The following GNG4 variants were observed in gnomAD, a reference collection of about 807,000 sequenced individuals.
GNG4 encodes G protein subunit gamma 4.
A neutral mutation model predicts 5.8 loss-of-function variants in GNG4; 4 were observed. The ratio of observed to expected loss-of-function variants is 0.69; its 90% CI spans 0.34 to 1.57. GNG4 has a LOEUF of 1.57. Among genes scored for constraint, GNG4 ranks in the 40% most tolerant of loss-of-function variants. GNG4 has a pLI of 0.06. For synonymous variants in GNG4, 29 were observed against 32.9 expected (o/e 0.88, Z 0.41); for missense variants, 96 against 95.1 (o/e 1.01, Z -0.04).
At chr1:235,628,993 A>ATTT (rs1054950474) in intron 1 of GNG4, among the ~76,000 whole-genome samples, 83 of 118,360 alleles carry the variant, frequency 7.0e-4, no homozygotes, top group African/African-American at 2.4e-3. Context: ...ATTTGCTTGA[A>ATTT]TTTTTTTTTT....
chr1:235,557,146 T>G (rs538689282), intron 3 of GNG4, among the ~76,000 whole-genome samples: 1 of 151,546 alleles, frequency 6.6e-6, no homozygotes, highest in South Asian at 2.1e-4. Flanking sequence ...GGGGACCCGT[T>G]TTATACTACA....
rs1436572551 is a variant in GNG4, at chr1:235,598,481, C to T, written c.-122-2970G>A. ...AAAATTATCTGGGTGTGGTGGCACACGCCTGTGATCCCAGCTATTCAGGAG... is the reference window on the plus strand; with the variant it reads ...AAAATTATCTGGGTGTGGTGGCACATGCCTGTGATCCCAGCTATTCAGGAG... On this transcript the variant is annotated intron_variant, in intron 1 of 3. Coordinates refer to ENST00000391854, the MANE Select transcript of GNG4 (RefSeq NM_001098722.2). Among the ~76,000 whole-genome samples the T allele has an allele frequency of 3.9e-5, 6 of 152,070 alleles. No individual in the cohort carries two copies. In the East Asian group the frequency reaches 7.7e-4, roughly 20 times the overall value.
chr1:235,584,731 A>T (rs1163826053), intron 2 of GNG4, among the ~76,000 whole-genome samples: 1 of 152,236 alleles, frequency 6.6e-6, no homozygotes, highest in Non-Finnish European at 1.5e-5. Context: ...GCTTCAAAGG[A>T]AGCCTAAAAC....
chr1:235,555,478 G>A (rs1297258830), intron 3 of GNG4, among the ~76,000 whole-genome samples: 2 of 151,876 alleles, frequency 1.3e-5, no homozygotes, highest in East Asian at 1.9e-4. Context: ...CTTCTTATAC[G>A]TACGACTCTA....
intron 3 of GNG4, among the ~76,000 whole-genome samples, chr1:235,581,610 T>C (rs1342829942): frequency 6.6e-6 from 1 of 151,846 alleles, no homozygotes; most frequent in Non-Finnish European, 1.5e-5. Flanking sequence ...CCTTCTGCCA[T>C]GATTTTCAAT....
chr1:235,605,253 C>T (rs557761352), intron 1 of GNG4, among the ~76,000 whole-genome samples: 8 of 150,996 alleles, frequency 5.3e-5, no homozygotes, highest in Non-Finnish European at 1.0e-4. Context: ...TGCAGCGGCA[C>T]GATCCCGGCT....
rs570781063 is a variant in GNG4 at position 235,627,978 on chromosome 1, C to G, written c.-123+21684G>C. On this transcript the variant is annotated intron_variant, in intron 1 of 3. Transcript: ENST00000391854. Reference sequence around the variant, plus strand: ...GGAGGATCACCTGAGGTCAGGAGTTCGATACCAGCCCGACGAACATGAAGA... The same window carrying G: ...GGAGGATCACCTGAGGTCAGGAGTTGGATACCAGCCCGACGAACATGAAGA... 3.9e-5 allele frequency among the ~76,000 whole-genome samples: 6 copies of G among 152,058 alleles called. No individual in the cohort carries two copies. The East Asian group carries it at 1.2e-3, about 29-fold the overall frequency.
rs1347944699 is a variant in GNG4, at chr1:235,644,237, C to T, written c.-123+5425G>A. 2.0e-5 allele frequency among the ~76,000 whole-genome samples: 3 copies of T among 152,214 alleles called. No individual in the cohort carries two copies. Among genetic ancestry groups the T allele is most frequent in the Admixed American group, 1.3e-4 (2 of 15,282 alleles). ...AAAATTCAGCCACAGCGGGAGGGAG[C>T]GTGTGAGACCCACGAAGGCCTTGCC... On this transcript the variant is annotated intron_variant, in intron 1 of 3. Transcript: ENST00000391854. The surrounding 1 kb of genome is among the most constrained non-coding windows in gnomAD (Gnocchi z 5.9).
intron 1 of GNG4, chr1:235,616,425 G>C (rs4274054): frequency 0.044 from 13,081 of 295,332 alleles, 417 homozygotes; most frequent in Middle Eastern, 0.08. Context: ...CTGTGGGATG[G>C]GAAGTCAGGC....
intron 3 of GNG4, among the ~76,000 whole-genome samples, chr1:235,558,279 AT>A (rs1176703790): frequency 4.6e-5 from 7 of 152,232 alleles, no homozygotes; most frequent in Admixed American, 6.5e-5. Flanking sequence ...GCACAGCTGC[AT>A]CTAATACAGC....
In GNG4 at chr1:235,575,840, G is replaced by A. The variant is rs193126785; in HGVS notation, c.99+7900C>T. ...TGAGGGATGGCACGTGGAAGGCAGCGTGGAACCCGCCTGAGAGCCTGTGTC... is the reference window on the plus strand; with the variant it reads ...TGAGGGATGGCACGTGGAAGGCAGCATGGAACCCGCCTGAGAGCCTGTGTC... On this transcript the variant is annotated intron_variant, in intron 3 of 3. Transcript: ENST00000391854. Among the ~76,000 whole-genome samples, 170 of 152,294 alleles carry A rather than the reference G, an allele frequency of 1.1e-3. 2 individuals are homozygous for A. Among genetic ancestry groups the A allele is most frequent in the African/African-American group, 3.9e-3 (161 of 41,566 alleles).
chr1:235,596,235 C>T (rs1688122900), intron 1 of GNG4, among the ~76,000 whole-genome samples: 1 of 150,906 alleles, frequency 6.6e-6, no homozygotes, highest in African/African-American at 2.4e-5. Context: ...CACACACACA[C>T]ACACACACAC....
At chr1:235,615,842 T>C in intron 1 of GNG4, 1 of 277,200 alleles carries the variant, frequency 3.6e-6, no homozygotes, top group South Asian at 4.7e-5. Context: ...CAGTCCATGA[T>C]GGATGGGAAG....
In GNG4 at chr1:235,572,269, G is replaced by A. The variant is rs6665114; in HGVS notation, c.99+11471C>T. Among the ~76,000 whole-genome samples, 1,505 of 151,900 alleles carry A rather than the reference G, an allele frequency of 9.9e-3. 8 individuals carry two copies. Among genetic ancestry groups the A allele is most frequent in the Non-Finnish European group, 0.016 (1,075 of 67,980 alleles). On this transcript the variant is annotated intron_variant, in intron 3 of 3. Coordinates refer to ENST00000391854, the MANE Select transcript of GNG4 (RefSeq NM_001098722.2). ...CTCTGATGTGCAGTGGCACCATCTC[G>A]GCTCACTGTAACCTCTGCCTCCCGG...
chr1:235,634,325 C>G (rs1037833268), intron 1 of GNG4, among the ~76,000 whole-genome samples: 3 of 152,158 alleles, frequency 2.0e-5, no homozygotes, highest in African/African-American at 7.2e-5. Context: ...AAGCAATAGG[C>G]CAGTTAGCAA....
chr1:235,589,229 C>A (rs144814744), intron 2 of GNG4, among the ~76,000 whole-genome samples: 50 of 152,336 alleles, frequency 3.3e-4, no homozygotes, highest in African/African-American at 1.2e-3. Flanking sequence ...ACTGTACAGG[C>A]ATGCTGGCGC....
intron 3 of GNG4, among the ~76,000 whole-genome samples, chr1:235,553,118 G>C (rs1686797765): frequency 6.6e-6 from 1 of 152,182 alleles, no homozygotes; most frequent in Non-Finnish European, 1.5e-5. Context: ...CTCCTGACCA[G>C]AAAGTTCTTT....
chr1:235,584,755 C>T (rs952088847), intron 2 of GNG4, among the ~76,000 whole-genome samples: 2 of 152,222 alleles, frequency 1.3e-5, no homozygotes, highest in East Asian at 3.8e-4. Flanking sequence ...AGCCTGAGAG[C>T]TGGGGACAGG....
At chr1:235,646,034 C>T (rs965946138) in intron 1 of GNG4, among the ~76,000 whole-genome samples, 1 of 152,048 alleles carries the variant, frequency 6.6e-6, no homozygotes, top group Non-Finnish European at 1.5e-5. Context: ...GCTGTTGTCC[C>T]GCCTCATGCA....
Sources: allele counts gnomAD v4.1 joint callset (sites outside exome capture counted in the v4.1 genomes callset), GRCh38; gene constraint gnomAD v4.1.1; non-coding constraint Gnocchi (gnomAD v3.1); transcripts MANE v1.5; gene names NCBI Gene and HGNC (gene_info 2026-07-23, HGNC 2026-07-21).